Variants in GALNT1 observed in about 807,000 individuals in gnomAD.
GALNT1 encodes polypeptide N-acetylgalactosaminyltransferase 1.
GALNT1 carries 17 observed loss-of-function variants against 65.7 expected under a neutral mutation model. That is an observed-to-expected ratio of 0.26 (90% CI 0.18 to 0.39). GALNT1 has a LOEUF of 0.39. GALNT1 is among the 10% of genes least tolerant of loss of function. The pLI is 1.00. For missense variants in GALNT1, 460 were observed against 672.8 expected, an observed-to-expected ratio of 0.68 and a Z score of 3.50; for synonymous variants, 210 against 219.7, an observed-to-expected ratio of 0.96 and a Z score of 0.39.
intron 1 of GALNT1, among the ~76,000 whole-genome samples, chr18:35,618,127 T>C (rs1288494194): frequency 6.6e-6 from 1 of 151,932 alleles, no homozygotes; most frequent in Non-Finnish European, 1.5e-5. Context: ...TGTTAACTGC[T>C]CTGATTTTTC....
intron 1 of GALNT1, among the ~76,000 whole-genome samples, chr18:35,633,157 C>T (rs1250477607): frequency 6.6e-6 from 1 of 152,114 alleles, no homozygotes; most frequent in East Asian, 1.9e-4. Context: ...GGATCTAGAA[C>T]TAGAAGTACC....
chr18:35,606,660 TCTTTA>T (rs1438751097), intron 1 of GALNT1, among the ~76,000 whole-genome samples: 55 of 152,236 alleles, frequency 3.6e-4, no homozygotes, highest in African/African-American at 1.2e-3. Context: ...AGTTGTGGCT[TCTTTA>T]CTTCTCATTA....
chr18:35,590,132 T>C (rs377544529), intron 1 of GALNT1, among the ~76,000 whole-genome samples: 2 of 152,202 alleles, frequency 1.3e-5, no homozygotes, highest in South Asian at 2.1e-4. Context: ...ACACCTTCAA[T>C]GTGAAGCCCA....
At chr18:35,617,114 A>G (rs1288609714) in intron 1 of GALNT1, among the ~76,000 whole-genome samples, 2 of 151,924 alleles carry the variant, frequency 1.3e-5, no homozygotes, top group African/African-American at 2.4e-5. Context: ...TCCCCCCTCC[A>G]TTTCCTGTCT....
intron 3 of GALNT1, among the ~76,000 whole-genome samples, chr18:35,667,128 G>T (rs2047561298): frequency 1.3e-5 from 2 of 152,144 alleles, no homozygotes; most frequent in Non-Finnish European, 2.9e-5. Flanking sequence ...TCCTGGTATT[G>T]ACACCTCTTT....
At chr18:35,697,281 G>A (rs1254144761) in intron 9 of GALNT1, among the ~76,000 whole-genome samples, 1 of 152,158 alleles carries the variant, frequency 6.6e-6, no homozygotes, top group Non-Finnish European at 1.5e-5. Context: ...GGTTCTTATA[G>A]CAGTGTTTTT....
chr18:35,645,378 C>T (rs1266599019), intron 1 of GALNT1, among the ~76,000 whole-genome samples: 2 of 151,852 alleles, frequency 1.3e-5, no homozygotes, highest in Non-Finnish European at 2.9e-5. Context: ...AGACTACAGG[C>T]GCCCGCCACC....
intron 1 of GALNT1, among the ~76,000 whole-genome samples, chr18:35,609,208 G>C (rs1568015114): frequency 6.6e-6 from 1 of 152,076 alleles, no homozygotes. Context: ...TTCTGCCTTT[G>C]TCTTTAGAAA....
At chr18:35,593,036 G>A (rs1436518877) in intron 1 of GALNT1, among the ~76,000 whole-genome samples, 1 of 152,164 alleles carries the variant, frequency 6.6e-6, no homozygotes, top group East Asian at 1.9e-4. Flanking sequence ...TTTTCCTTGA[G>A]AGGAGTTGCA....
At chr18:35,678,965 T>C (rs1294250561) in intron 4 of GALNT1, among the ~76,000 whole-genome samples, 1 of 152,140 alleles carries the variant, frequency 6.6e-6, no homozygotes, top group Non-Finnish European at 1.5e-5. Flanking sequence ...AATCCTACCT[T>C]TTAAAGTAAT....
intron 5 of GALNT1, among the ~76,000 whole-genome samples, chr18:35,685,982 C>T (rs556463229): frequency 5.9e-5 from 9 of 152,222 alleles, no homozygotes; most frequent in African/African-American, 1.9e-4. Flanking sequence ...TCGGGAGGAT[C>T]GCTTGAACTC....
chr18:35,638,422 C>T (rs1239568398), intron 1 of GALNT1, among the ~76,000 whole-genome samples: 3 of 152,152 alleles, frequency 2.0e-5, no homozygotes, highest in African/African-American at 4.8e-5. Context: ...CTTGAGTCAA[C>T]ACACTTTTGG....
chr18:35,655,012 T>C (rs3786393), intron 2 of GALNT1, among the ~76,000 whole-genome samples: 15,498 of 152,248 alleles, frequency 0.1, 1,012 homozygotes, highest in African/African-American at 0.19. Context: ...CTGAATTCGA[T>C]TTTTGTGTTC....
intron 1 of GALNT1, among the ~76,000 whole-genome samples, chr18:35,653,086 T>G (rs2047331531): frequency 6.6e-6 from 1 of 152,212 alleles, no homozygotes; most frequent in East Asian, 1.9e-4. Context: ...CTCACCTCAG[T>G]TACCATAGTT....
At chr18:35,616,888 G>A (rs138478607) in intron 1 of GALNT1, among the ~76,000 whole-genome samples, 1 of 151,998 alleles carries the variant, frequency 6.6e-6, no homozygotes. Flanking sequence ...TGAAAATGAA[G>A]ATAAAACCCA....
At chr18:35,663,148 G>A (rs766341941) in intron 2 of GALNT1, among the ~76,000 whole-genome samples, 1 of 152,196 alleles carries the variant, frequency 6.6e-6, no homozygotes, top group African/African-American at 2.4e-5. Flanking sequence ...GCCGTGAGGG[G>A]ATGTGAGCAA....
At chr18:35,609,266 A>C (rs867814625) in intron 1 of GALNT1, among the ~76,000 whole-genome samples, 5 of 152,326 alleles carry the variant, frequency 3.3e-5, no homozygotes, top group South Asian at 4.1e-4. Context: ...TAGCTATGCT[A>C]AGCTTTGATT....
chr18:35,606,973 C>T (rs2046658085), intron 1 of GALNT1, among the ~76,000 whole-genome samples: 1 of 151,942 alleles, frequency 6.6e-6, no homozygotes, highest in South Asian at 2.1e-4. Context: ...TGCCTGACCC[C>T]CACAGTTCCT....
intron 5 of GALNT1, among the ~76,000 whole-genome samples, chr18:35,684,453 G>T (rs752569510): frequency 7.2e-5 from 11 of 152,132 alleles, no homozygotes; most frequent in African/African-American, 9.7e-5. Flanking sequence ...AGAATCAAAA[G>T]AATAGGATAT....
Sources: allele counts gnomAD v4.1 joint callset (sites outside exome capture counted in the v4.1 genomes callset), GRCh38; gene constraint gnomAD v4.1.1; transcripts MANE v1.5; gene names NCBI Gene and HGNC (gene_info 2026-07-23, HGNC 2026-07-21).